SH3TC1: variants seen among roughly 807,000 people sequenced by gnomAD.
SH3TC1 encodes the protein SH3 domain and tetratricopeptide repeats 1.
SH3TC1 carries 135 observed loss-of-function variants against 117.3 expected under a neutral mutation model. The observed-to-expected ratio is 1.15, with a 90% CI of 1.00 to 1.33. SH3TC1 has a LOEUF of 1.33. Ranked by LOEUF, SH3TC1 falls within the 40% of genes most tolerant of loss-of-function variation. The pLI is 0.00. For missense variants in SH3TC1, 2,092 were observed against 1,794.3 expected (o/e 1.17, Z -3.00); for synonymous variants, 898 against 816.9 (o/e 1.10, Z -1.69).
In SH3TC1 at chr4:8,228,663, T is replaced by A. The variant is rs1720830919; in HGVS notation, c.2950+19T>A. 6.9e-7 allele frequency: 1 copy of A among 1,447,928 alleles called. No individual in the cohort carries two copies. The highest frequency in any genetic ancestry group is 2.5e-5 in the East Asian group (1 of 40,718). 89.7% of individuals were successfully genotyped at this position (1,447,928 alleles called of 1,614,324 possible). ...GTGGAGAGTGAGTGCCCCAGTTCCTTCTGTGTGCCTTCCGGGGCCACTCGG... is the reference window on the plus strand; with the variant it reads ...GTGGAGAGTGAGTGCCCCAGTTCCTACTGTGTGCCTTCCGGGGCCACTCGG... On this transcript the variant is annotated intron_variant, in intron 12 of 17. Coordinates refer to ENST00000245105, the MANE Select transcript of SH3TC1 (RefSeq NM_018986.5).
In SH3TC1 at chr4:8,225,989, G is replaced by A. The variant is rs891500095; in HGVS notation, c.1285+773G>A. Among the ~76,000 whole-genome samples, 4 of 152,158 alleles carry A rather than the reference G, an allele frequency of 2.6e-5. No homozygotes were observed. Among genetic ancestry groups the A allele is most frequent in the African/African-American group, 4.8e-5 (2 of 41,432 alleles). ...CTGGGAGGGGCTGTTTGCCTCTGCC[G>A]GGCAGGGAGATTTCTTAGCTAATCT... is the stretch of plus-strand genomic sequence containing the variant. On this transcript the variant is annotated intron_variant, in intron 11 of 17. Coordinates refer to ENST00000245105, the MANE Select transcript of SH3TC1 (RefSeq NM_018986.5). This position sits in a 1 kb window ranked among gnomAD's most constrained non-coding sequence, Gnocchi z 5.5.
chr4:8,192,165 T>A lies in SH3TC1; in HGVS notation c.-57+9955T>A, dbSNP rs987139828. On this transcript the variant is annotated intron_variant, in intron 1 of 16. Transcript: ENST00000508641. The surrounding 1 kb of genome is among the most constrained non-coding windows in gnomAD (Gnocchi z 4.1). ...CCACCACACTCAGCTAATTTTTGTATTTTTTTTTATTAGAGATGGGATTTC... is the reference window on the plus strand; with the variant it reads ...CCACCACACTCAGCTAATTTTTGTAATTTTTTTTATTAGAGATGGGATTTC... Among the ~76,000 whole-genome samples the A allele has an allele frequency of 9.8e-5, 14 of 143,318 alleles. No homozygotes were observed. The highest frequency in any genetic ancestry group is 1.2e-4 in the Non-Finnish European group (8 of 66,852). 94.0% of individuals were successfully genotyped at this position (143,318 alleles called of 152,430 possible). A position where few individuals can be genotyped will look rare whatever the true frequency, so the allele number is the denominator to read the frequency against.
Position 8,190,124 on chromosome 4 carries a change from C to A in SH3TC1, c.-57+7914C>A, listed in dbSNP as rs919392993. ...CGGCAGCACTGGCCGCAGGTGCCTG[C>A]GATCACCAGTGTGCTCCCCGTGACA... On this transcript the variant is annotated intron_variant, in intron 1 of 16. Transcript: ENST00000508641. The surrounding 1 kb of genome is among the most constrained non-coding windows in gnomAD (Gnocchi z 4.7). Among the ~76,000 whole-genome samples, 5 of 152,192 alleles carry A rather than the reference C, an allele frequency of 3.3e-5. No homozygotes were observed. Among genetic ancestry groups the A allele is most frequent in the South Asian group, 2.1e-4 (1 of 4,836 alleles).
intron 17 of SH3TC1, among the ~76,000 whole-genome samples, chr4:8,238,437 C>T (rs781536947): frequency 4.6e-5 from 7 of 152,210 alleles, no homozygotes; most frequent in East Asian, 1.9e-4. Flanking sequence ...AGGCGCCCGC[C>T]CCTACTCAGC....
At chr4:8,226,464 C>G (rs1346098690) in intron 11 of SH3TC1, among the ~76,000 whole-genome samples, 1 of 152,246 alleles carries the variant, frequency 6.6e-6, no homozygotes, top group African/African-American at 2.4e-5. Flanking sequence ...CTGTGGGTAG[C>G]TTTACCAATT....
chr4:8,201,187 T>C (rs1078861), intron 1 of SH3TC1, among the ~76,000 whole-genome samples: 25,829 of 152,228 alleles, frequency 0.17, 2,510 homozygotes, highest in East Asian at 0.24. Flanking sequence ...CATTCAGGGC[T>C]GGCCGCGGCC....
At chr4:8,229,349 A>ATAC (rs1246191849) in intron 12 of SH3TC1, 1 of 147,810 alleles carries the variant, frequency 6.8e-6, no homozygotes, top group Non-Finnish European at 1.5e-5. Context: ...TAGTCAAGTA[A>ATAC]TACGTGGTGG....
At position 8,227,896 on chromosome 4, in the gene SH3TC1, A is replaced by G. The variant is rs1720678532; in HGVS notation, c.2202A>G (p.Ser734=). Residue 734 remains serine, a synonymous_variant, in exon 12 of 18, where the codon TCA becomes TCG. Coordinates refer to ENST00000245105, the MANE Select transcript of SH3TC1 (RefSeq NM_018986.5). ...TGCTGAGCTGTGTCAAGGTGGCCTC[A>G]TTGCGGACACGGGGCTCGCTGGCCG... The part of the protein sequence containing the change: ...HLVLSCVKVA[S]LRTRGSLAGS... 6.2e-7 allele frequency: 1 copy of G among 1,612,672 alleles called. No homozygotes were observed. Among genetic ancestry groups the G allele is most frequent in the Non-Finnish European group, 8.5e-7 (1 of 1,179,972 alleles).
chr4:8,192,490 TA>T lies in SH3TC1; in HGVS notation c.-57+10281del, dbSNP rs1213214148. 6.9e-6 allele frequency among the ~76,000 whole-genome samples: 1 copy of T among 145,542 alleles called. No homozygotes were observed. The highest frequency in any genetic ancestry group is 1.5e-5 in the Non-Finnish European group (1 of 67,030). ...TATTTTATTTTATTTTATTTTATTT[TA>T]TTTTATTTCATTTTATTTTTGAGAT... On this transcript the variant is annotated intron_variant, in intron 1 of 16. Transcript: ENST00000508641. The surrounding 1 kb of genome is among the most constrained non-coding windows in gnomAD (Gnocchi z 4.1).
chr4:8,184,129 T>TC (rs1717159620), intron 1 of SH3TC1, among the ~76,000 whole-genome samples: 1 of 152,192 alleles, frequency 6.6e-6, no homozygotes, highest in South Asian at 2.1e-4. Context: ...TATATGCATG[T>TC]CTCTAAGTAT....
chr4:8,196,778 G>C (rs903093799), upstream of SH3TC1, among the ~76,000 whole-genome samples: 1 of 152,130 alleles, frequency 6.6e-6, no homozygotes, highest in African/African-American at 2.4e-5. This position sits in a 1 kb window ranked among gnomAD's most constrained non-coding sequence, Gnocchi z 4.6. Context: ...GGGGTGCTGA[G>C]GGCTGGAGTC....
Position 8,206,634 on chromosome 4 carries a change from G to A in SH3TC1, c.172+1268G>A, listed in dbSNP as rs1182207337. Among the ~76,000 whole-genome samples, 9 of 152,046 alleles carry A rather than the reference G, an allele frequency of 5.9e-5. 1 individual carries two copies. Among genetic ancestry groups the A allele is most frequent in the Admixed American group, 5.9e-4 (9 of 15,284 alleles). On this transcript the variant is annotated intron_variant, in intron 2 of 17. Coordinates refer to ENST00000245105, the MANE Select transcript of SH3TC1 (RefSeq NM_018986.5). This position sits in a 1 kb window ranked among gnomAD's most constrained non-coding sequence, Gnocchi z 5.5. ...TCTGTGGACCGAGCGGAGGGGAGCT[G>A]AGGAAACTTTCCCTGCTTGGCCAAG... is the stretch of plus-strand genomic sequence containing the variant.
At chr4:8,214,907 A>G (rs1441069711) in intron 5 of SH3TC1, among the ~76,000 whole-genome samples, 1 of 152,160 alleles carries the variant, frequency 6.6e-6, no homozygotes, top group African/African-American at 2.4e-5. Flanking sequence ...GCTGATCTCA[A>G]ACTCCTGGCT....
In SH3TC1 at chr4:8,209,281, G is replaced by C. The variant is rs1372809385; in HGVS notation, c.173-467G>C. 6.6e-6 allele frequency among the ~76,000 whole-genome samples: 1 copy of C among 152,206 alleles called. No homozygotes were observed. Among genetic ancestry groups the C allele is most frequent in the Non-Finnish European group, 1.5e-5 (1 of 68,032 alleles). On this transcript the variant is annotated intron_variant, in intron 2 of 17. Transcript: ENST00000245105. The surrounding 1 kb of genome is among the most constrained non-coding windows in gnomAD (Gnocchi z 5.9). Reference sequence around the variant, plus strand: ...CGGATGCTCCAGTGGGCCCTCCATGGAATCACAGGGCTTTTGTAGGAGGAA... The same window carrying C: ...CGGATGCTCCAGTGGGCCCTCCATGCAATCACAGGGCTTTTGTAGGAGGAA...
Position 8,186,374 on chromosome 4 carries a change from A to G in SH3TC1, c.-57+4164A>G, listed in dbSNP as rs1289184881. 6.6e-6 allele frequency among the ~76,000 whole-genome samples: 1 copy of G among 152,176 alleles called. No individual in the cohort carries two copies. The highest frequency in any genetic ancestry group is 1.5e-5 in the Non-Finnish European group (1 of 68,028). The stretch of plus-strand genomic sequence containing the variant: ...CCTTCCCGGCCAAAAGGCACCCCAA[A>G]AGACGAGGTGATGAAACCAGACGTG... On this transcript the variant is annotated intron_variant, in intron 1 of 16. Transcript: ENST00000508641. The surrounding 1 kb of genome is among the most constrained non-coding windows in gnomAD (Gnocchi z 5.2).
At chr4:8,219,637 T>C in intron 9 of SH3TC1, 107 bp downstream of exon 9, 3 of 1,215,312 alleles carry the variant, frequency 2.5e-6, no homozygotes, top group East Asian at 2.8e-5. Flanking sequence ...AAAGTCACTG[T>C]GGACGATGCC....
At chr4:8,194,179 G>A (rs868413321) in intron 1 of SH3TC1, among the ~76,000 whole-genome samples, 3 of 152,306 alleles carry the variant, frequency 2.0e-5, no homozygotes, top group Non-Finnish European at 2.9e-5. Context: ...TAAAAGGGGC[G>A]GCGGGGGGTG....
intron 5 of SH3TC1, chr4:8,215,286 C>T (rs539919705): frequency 4.4e-5 from 20 of 455,356 alleles, no homozygotes; most frequent in South Asian, 2.3e-4. Flanking sequence ...TGGAGGAATT[C>T]CAGGCTCTAA....
At position 8,188,673 on chromosome 4, in the gene SH3TC1, G is replaced by A. The variant is rs186106894; in HGVS notation, c.-57+6463G>A. On this transcript the variant is annotated intron_variant, in intron 1 of 16. Coordinates refer to the SH3TC1 transcript ENST00000508641. ...AAGGGGTGAGGGATATATCCATCCT[G>A]CAGCAAGCAAGTGAGGGGAGACCCC... Among the ~76,000 whole-genome samples, 71 of 152,344 alleles carry A rather than the reference G, an allele frequency of 4.7e-4. 1 individual carries two copies. Among genetic ancestry groups the A allele is most frequent in the Non-Finnish European group, 8.4e-4 (57 of 68,018 alleles).
Sources: allele counts gnomAD v4.1 joint callset (sites outside exome capture counted in the v4.1 genomes callset), GRCh38; gene constraint gnomAD v4.1.1; non-coding constraint Gnocchi (gnomAD v3.1); transcripts MANE v1.5; gene names NCBI Gene and HGNC (gene_info 2026-07-23, HGNC 2026-07-21).